Variants in TSPAN5 observed in about 807,000 individuals in gnomAD.
The protein encoded by TSPAN5 is tetraspanin 5.
In TSPAN5, 10 loss-of-function variants were observed where a neutral mutation model predicts 37.1. That is an observed-to-expected ratio of 0.27 (90% confidence interval 0.17 to 0.46). The LOEUF (loss-of-function observed/expected upper bound fraction) is 0.46, where lower values mean the gene tolerates loss of function less well. TSPAN5 is among the 20% of genes least tolerant of loss of function. The pLI is 1.00. For synonymous variants in TSPAN5, 110 were observed against 118.9 expected (o/e 0.93, Z 0.48); for missense variants, 195 against 326.6 (o/e 0.60, Z 3.11).
intron 1 of TSPAN5, among the ~76,000 whole-genome samples, chr4:98,535,624 T>G (rs1754212972): frequency 6.6e-6 from 1 of 152,172 alleles, no homozygotes. Flanking sequence ...TCCTGGAGAG[T>G]GTTTTCCAAC....
chr4:98,652,885 C>T (rs895144992), intron 1 of TSPAN5, among the ~76,000 whole-genome samples: 3 of 152,216 alleles, frequency 2.0e-5, no homozygotes, highest in African/African-American at 7.2e-5. Context: ...ATTTGGTTTT[C>T]CAACTTCTCC....
chr4:98,592,569 A>G (rs1038712800), intron 1 of TSPAN5, among the ~76,000 whole-genome samples: 1 of 142,358 alleles, frequency 7.0e-6, no homozygotes. Flanking sequence ...TATATCTCCC[A>G]ATGCTATCCC....
chr4:98,620,059 G>A (rs534243121), intron 1 of TSPAN5, among the ~76,000 whole-genome samples: 1 of 152,276 alleles, frequency 6.6e-6, no homozygotes, highest in Non-Finnish European at 1.5e-5. Context: ...AAACATGGCT[G>A]CAAATTCTGA....
intron 1 of TSPAN5, among the ~76,000 whole-genome samples, chr4:98,540,138 CT>C (rs1754324940): frequency 6.6e-6 from 1 of 152,210 alleles, no homozygotes. Flanking sequence ...TTGTTTTAAG[CT>C]GCTAAATTCT....
At chr4:98,586,735 C>T (rs72906090) in intron 1 of TSPAN5, among the ~76,000 whole-genome samples, 2,001 of 152,300 alleles carry the variant, frequency 0.013, 44 homozygotes, top group African/African-American at 0.045. Context: ...AGAGGGGGTC[C>T]TGAAGCACTG....
At chr4:98,540,526 T>C (rs929098532) in intron 1 of TSPAN5, among the ~76,000 whole-genome samples, 5 of 152,138 alleles carry the variant, frequency 3.3e-5, no homozygotes, top group Admixed American at 6.5e-5. Context: ...TTAGTAGAGA[T>C]GGGGTTTCGC....
At chr4:98,633,846 G>A (rs973355284) in intron 1 of TSPAN5, among the ~76,000 whole-genome samples, 5 of 152,260 alleles carry the variant, frequency 3.3e-5, no homozygotes, top group Admixed American at 6.5e-5. Flanking sequence ...TTGGGAGGCC[G>A]AGACGGGAGG....
At chr4:98,522,044 A>G (rs1475349496) in intron 1 of TSPAN5, among the ~76,000 whole-genome samples, 2 of 152,236 alleles carry the variant, frequency 1.3e-5, no homozygotes, top group Non-Finnish European at 2.9e-5. Flanking sequence ...TTTCAGGTAC[A>G]TTTTAGTAAA....
intron 1 of TSPAN5, among the ~76,000 whole-genome samples, chr4:98,562,618 G>A (rs1243684253): frequency 3.9e-5 from 6 of 151,970 alleles, no homozygotes; most frequent in Admixed American, 6.6e-5. Flanking sequence ...CCGAGATCGC[G>A]CCACTGCACT....
intron 1 of TSPAN5, among the ~76,000 whole-genome samples, chr4:98,606,544 C>T (rs1756043711): frequency 6.6e-6 from 1 of 152,200 alleles, no homozygotes; most frequent in South Asian, 2.1e-4. Flanking sequence ...ATCCTCCACC[C>T]TACATCAAAC....
chr4:98,639,054 A>G (rs1756912532), intron 1 of TSPAN5, among the ~76,000 whole-genome samples: 1 of 152,184 alleles, frequency 6.6e-6, no homozygotes, highest in Non-Finnish European at 1.5e-5. Flanking sequence ...ACACGAAGAA[A>G]TGGCCCAGGT....
intron 2 of TSPAN5, among the ~76,000 whole-genome samples, chr4:98,491,889 T>A (rs774977510): frequency 6.6e-6 from 1 of 151,382 alleles, no homozygotes; most frequent in Non-Finnish European, 1.5e-5. Flanking sequence ...TAATTAAACC[T>A]TGTAGTTGAC....
intron 1 of TSPAN5, among the ~76,000 whole-genome samples, chr4:98,644,542 A>G (rs75765588): frequency 6.6e-6 from 1 of 152,098 alleles, no homozygotes; most frequent in Non-Finnish European, 1.5e-5. Flanking sequence ...GTTTTAGGGT[A>G]CATGTGCACA....
chr4:98,482,400 T>C (rs1752860579), intron 3 of TSPAN5: 1 of 378,500 alleles, frequency 2.6e-6, no homozygotes, highest in Non-Finnish European at 4.7e-6. Context: ...TAGTGTTCCA[T>C]TTGATAATTA....
chr4:98,600,284 G>T (rs544639765), intron 1 of TSPAN5, among the ~76,000 whole-genome samples: 1 of 152,226 alleles, frequency 6.6e-6, no homozygotes, highest in South Asian at 2.1e-4. Context: ...GGTTGGGGTG[G>T]CTGTGGCAAT....
At position 98,548,889 on chromosome 4, in the gene TSPAN5, GTGT is replaced by G. The variant is rs747764354; in HGVS notation, c.82-41164_82-41162del. Among the ~76,000 whole-genome samples, 600 of 146,268 alleles carry G rather than the reference GTGT, an allele frequency of 4.1e-3. 2 individuals are homozygous for G. Among genetic ancestry groups the G allele is most frequent in the South Asian group, 0.011 (50 of 4,710 alleles). ...TTATCGCTGCATAGTATTCCAAGGT[GTGT>G]GTGTGTGTGTGTGTGTGTGTGTGTG... On this transcript the variant is annotated intron_variant, in intron 1 of 7. Transcript: ENST00000305798.
intron 1 of TSPAN5, among the ~76,000 whole-genome samples, chr4:98,559,650 G>C (rs1158632477): frequency 6.6e-6 from 1 of 152,114 alleles, no homozygotes; most frequent in East Asian, 1.9e-4. Context: ...AAGCTTTTCT[G>C]CATTTGCAAA....
At position 98,624,018 on chromosome 4, in the gene TSPAN5, G is replaced by C. The variant is rs140010975; in HGVS notation, c.81+34128C>G. On this transcript the variant is annotated intron_variant, in intron 1 of 7. Transcript: ENST00000305798. ...ATAAATACCTTCTTTTGCTTTATAT[G>C]AAACTATGAAATTGGTTCTAATTAT... 4.4e-3 allele frequency among the ~76,000 whole-genome samples: 673 copies of C among 152,118 alleles called. 9 individuals carry two copies. The highest frequency in any genetic ancestry group is 0.015 in the African/African-American group (629 of 41,482).
chr4:98,605,828 C>A (rs760539741), intron 1 of TSPAN5, among the ~76,000 whole-genome samples: 6 of 152,108 alleles, frequency 3.9e-5, no homozygotes, highest in Non-Finnish European at 8.8e-5. Flanking sequence ...CAGCATTGGT[C>A]AAAAAAATCA....
Sources: gnomAD v4.1 joint callset for allele counts (sites outside exome capture counted in the v4.1 genomes callset) on GRCh38, gnomAD v4.1.1 for gene constraint, MANE v1.5 for transcripts, NCBI Gene and HGNC (gene_info 2026-07-23, HGNC 2026-07-21) for gene names.